SHROOM2: variants seen among roughly 807,000 people sequenced by gnomAD.
SHROOM2 encodes the protein protein Shroom2.
A neutral mutation model predicts 75.9 loss-of-function variants in SHROOM2; 33 were observed. The observed-to-expected ratio is 0.43, with a 90% CI of 0.33 to 0.58. SHROOM2 has a LOEUF of 0.58. SHROOM2 is among the 20% of genes least tolerant of loss of function. The pLI, the probability that SHROOM2 is intolerant of heterozygous loss-of-function variation, is 0.04. For synonymous variants in SHROOM2, 655 were observed against 663.6 expected, an observed-to-expected ratio of 0.99 and a Z score of 0.20; for missense variants, 1,434 against 1,461.2, an observed-to-expected ratio of 0.98 and a Z score of 0.30.
intron 5 of SHROOM2, among the ~76,000 whole-genome samples, chrX:9,905,413 G>A (rs906986019): frequency 5.3e-5 from 6 of 112,900 alleles, no homozygotes; most frequent in African/African-American, 1.6e-4. Context: ...AGAGGAGGCC[G>A]CCAGAGCTAG....
At chrX:9,914,355 G>A (rs1404506771) in intron 5 of SHROOM2, among the ~76,000 whole-genome samples, 8 of 109,761 alleles carry the variant, frequency 7.3e-5, no homozygotes, top group Non-Finnish European at 1.5e-4. Flanking sequence ...TTTGGAGGTT[G>A]AGGAAGGAAG....
intron 6 of SHROOM2, among the ~76,000 whole-genome samples, chrX:9,933,079 G>T (rs1258261013): frequency 9.0e-6 from 1 of 111,267 alleles, no homozygotes; most frequent in Non-Finnish European, 1.9e-5. Context: ...GCTGTTTCCT[G>T]CAGGGAACAG....
chrX:9,932,470 C>T lies in SHROOM2; in HGVS notation c.3187C>T (p.Gln1063Ter), dbSNP rs756129064. 8.3e-7 allele frequency: 1 copy of T among 1,207,474 alleles called. No homozygotes were observed. The highest frequency in any genetic ancestry group is 1.8e-5 in the South Asian group (1 of 56,456). The part of the protein sequence containing the change: ...SALLSKRPAP[Q>*]RPPPPKREPR... ...CCTGCTCTCCAAGAGGCCAGCCCCA[C>T]AGAGGCCACCGCCACCCAAGCGCGA... The change falls in exon 6 of 10, where the codon CAG becomes TAG. Residue 1063 changes from glutamine to a stop codon, truncating the protein, a stop_gained. Transcript: ENST00000380913. LOFTEE classifies it high-confidence loss of function.
chrX:9,791,852 G>A (rs772379546), intron 1 of SHROOM2, among the ~76,000 whole-genome samples: 5 of 109,465 alleles, frequency 4.6e-5, no homozygotes, highest in South Asian at 4.0e-4. Context: ...AAAATTAGCC[G>A]GGTGTGGTGG....
chrX:9,839,791 A>G (rs2083969838), intron 1 of SHROOM2, among the ~76,000 whole-genome samples: 1 of 111,797 alleles, frequency 8.9e-6, no homozygotes, highest in Non-Finnish European at 1.9e-5. Context: ...TAGTTTTTAG[A>G]AAACCGTTGC....
intron 1 of SHROOM2, among the ~76,000 whole-genome samples, chrX:9,864,651 C>A (rs2084123753): frequency 9.2e-6 from 1 of 109,202 alleles, no homozygotes. Context: ...CGGTGAAACC[C>A]CGTCTCTACT....
At chrX:9,877,198 G>A (rs1453646676) in intron 2 of SHROOM2, among the ~76,000 whole-genome samples, 1 of 111,919 alleles carries the variant, frequency 8.9e-6, no homozygotes, top group Non-Finnish European at 1.9e-5. Flanking sequence ...CTGGGAAAGC[G>A]ATGCGGGAGG....
At chrX:9,807,199 C>T (rs910821655) in intron 1 of SHROOM2, among the ~76,000 whole-genome samples, 1 of 112,133 alleles carries the variant, frequency 8.9e-6, no homozygotes, top group Non-Finnish European at 1.9e-5. Flanking sequence ...AGGGTCACAG[C>T]CAGCCCCGTC....
At chrX:9,841,587 C>T (rs370295759) in intron 1 of SHROOM2, among the ~76,000 whole-genome samples, 3 of 111,844 alleles carry the variant, frequency 2.7e-5, no homozygotes, top group South Asian at 7.5e-4. Flanking sequence ...GCTGATGAGT[C>T]CTGCAGGTCA....
At chrX:9,911,363 GA>G (rs759811398) in intron 5 of SHROOM2, among the ~76,000 whole-genome samples, 19 of 112,089 alleles carry the variant, frequency 1.7e-4, no homozygotes, top group African/African-American at 5.8e-4. Context: ...CGATATGGGG[GA>G]AAAAAATCTA....
intron 1 of SHROOM2, among the ~76,000 whole-genome samples, chrX:9,839,689 A>G (rs1189141427): frequency 2.7e-5 from 3 of 111,945 alleles, no homozygotes; most frequent in Non-Finnish European, 5.6e-5. Flanking sequence ...TGTCAGATGG[A>G]TCAAGAGCTC....
In SHROOM2 at chrX:9,894,428, T is replaced by A. The variant is rs764401318; in HGVS notation, c.520T>A (p.Ser174Thr). Residue 174 changes from serine to threonine, a missense_variant, in exon 4 of 10, where the codon TCC (serine) becomes ACC (threonine). Transcript: ENST00000380913. The stretch of plus-strand genomic sequence containing the variant: ...ACAGCGCACCTTAGATCACTTCAGC[T>A]CCTTGGGGAGCGTTGACAGCCTGGA... ...NLQRTLDHFS[S>T]LGSVDSLDHP... is the part of the protein sequence containing the mutation. 8.3e-7 allele frequency: 1 copy of A among 1,210,296 alleles called. No homozygotes were observed.
intron 1 of SHROOM2, among the ~76,000 whole-genome samples, chrX:9,791,898 C>T (rs942698382): frequency 1.4e-4 from 15 of 107,765 alleles, no homozygotes; most frequent in African/African-American, 3.4e-4. Context: ...GGGAGGCTCC[C>T]GGGAGGCAGA....
At chrX:9,914,467 C>G (rs1204150608) in intron 5 of SHROOM2, among the ~76,000 whole-genome samples, 4 of 110,427 alleles carry the variant, frequency 3.6e-5, no homozygotes, top group Non-Finnish European at 7.6e-5. Context: ...GGTAGGGGAG[C>G]AGTGGGAAGA....
chrX:9,870,786 A>G (rs749710756), intron 1 of SHROOM2, among the ~76,000 whole-genome samples: 11 of 112,393 alleles, frequency 9.8e-5, no homozygotes, highest in Non-Finnish European at 2.1e-4. Context: ...GCTAAAAATT[A>G]TGAGGAACTG....
At chrX:9,917,502 TTTG>T (rs35611302) in intron 5 of SHROOM2, among the ~76,000 whole-genome samples, 81 of 84,220 alleles carry the variant, frequency 9.6e-4, no homozygotes, top group Admixed American at 2.2e-3. Context: ...ATTGTGGTTC[TTTG>T]TTGTTGTTGT....
intron 1 of SHROOM2, among the ~76,000 whole-genome samples, chrX:9,819,855 G>A (rs1347869742): frequency 4.8e-5 from 5 of 104,695 alleles, no homozygotes; most frequent in Non-Finnish European, 7.8e-5. Context: ...TTGCAGTGGC[G>A]TGATCTTGGC....
rs1445822199 is a variant in SHROOM2 at position 9,895,011 on chromosome X, G to A, written c.1103G>A (p.Arg368Gln). The A allele has an allele frequency of 9.9e-6, 12 of 1,207,847 alleles. No homozygotes were observed. Among genetic ancestry groups the A allele is most frequent in the African/African-American group, 8.7e-5 (5 of 57,276 alleles). The change falls in exon 4 of 10, where the codon CGG (arginine) becomes CAG (glutamine). Residue 368 changes from arginine (R) to glutamine (Q), a missense_variant. Arg to Gln is a conservative substitution (Grantham distance 43, BLOSUM62 1). Coordinates refer to ENST00000380913, the MANE Select transcript of SHROOM2 (RefSeq NM_001649.4). ...GACCGGAGACCAGAGCTCACCGATC[G>A]GCCTTGGAGGTCAGCACACCCGGGG... ...RGDRRPELTDRPWRSAHPGSL... is the reference protein window; with the variant it reads ...RGDRRPELTDQPWRSAHPGSL...
chrX:9,883,670 T>C (rs1269943273), intron 2 of SHROOM2, among the ~76,000 whole-genome samples: 1 of 110,006 alleles, frequency 9.1e-6, no homozygotes, highest in Non-Finnish European at 1.9e-5. Flanking sequence ...GGGCAAGACC[T>C]GGCCAGGGCT....
Sources: allele counts gnomAD v4.1 joint callset (sites outside exome capture counted in the v4.1 genomes callset), GRCh38; gene constraint gnomAD v4.1.1; transcripts MANE v1.5; gene names NCBI Gene and HGNC (gene_info 2026-07-23, HGNC 2026-07-21).